Variants in AFAP1 observed in about 807,000 individuals in gnomAD.
The protein encoded by AFAP1 is actin filament associated protein 1.
A neutral mutation model predicts 93.9 loss-of-function variants in AFAP1; 75 were observed. The ratio of observed to expected loss-of-function variants is 0.80; its 90% CI spans 0.66 to 0.97. AFAP1 has a LOEUF of 0.97. Among genes scored for constraint, AFAP1 ranks in the 50% least tolerant of loss-of-function variants. AFAP1 has a pLI of 0.00. For synonymous variants in AFAP1, 517 were observed against 430.7 expected, an observed-to-expected ratio of 1.20 and a Z score of -2.48; for missense variants, 1,201 against 1,050.8, an observed-to-expected ratio of 1.14 and a Z score of -1.98.
In AFAP1 at chr4:7,816,002, C is replaced by T; in HGVS notation, c.904+16G>A. 6.3e-7 allele frequency: 1 copy of T among 1,596,470 alleles called. No individual in the cohort carries two copies. Among genetic ancestry groups the T allele is most frequent in the Non-Finnish European group, 8.5e-7 (1 of 1,173,314 alleles). The stretch of plus-strand genomic sequence containing the variant: ...TTTTTTAGTGTATATATGTTTTTGG[C>T]ACAAGCAGAACTCACCTTGCTCCTT... On this transcript the variant is annotated intron_variant, in intron 8 of 17. Coordinates refer to ENST00000420658, the MANE Select transcript of AFAP1 (RefSeq NM_001134647.2).
chr4:7,915,478 A>T (rs573337925), intron 1 of AFAP1, among the ~76,000 whole-genome samples: 137 of 33,410 alleles, frequency 4.1e-3, no homozygotes, highest in African/African-American at 6.8e-3. Flanking sequence ...AACCCCATCT[A>T]AAAAAAAAAA....
At chr4:7,855,428 C>A in intron 4 of AFAP1, 38 bp downstream of exon 4, 1 of 1,484,630 alleles carries the variant, frequency 6.7e-7, no homozygotes, top group Admixed American at 1.9e-5. Flanking sequence ...TCCTGCCAAT[C>A]ACAAAGGCAG....
intron 1 of AFAP1, among the ~76,000 whole-genome samples, chr4:7,894,906 C>T (rs1025723653): frequency 6.6e-6 from 1 of 152,196 alleles, no homozygotes; most frequent in Non-Finnish European, 1.5e-5. Flanking sequence ...GAGGGGGATG[C>T]TGGAAGGCCT....
rs1713398231 is a variant in AFAP1, at chr4:7,759,006, GTTTCTTT to G, written c.*4752_*4758del. 2 of 152,486 alleles carry G rather than the reference GTTTCTTT, an allele frequency of 1.3e-5. No homozygotes were observed. The highest frequency in any genetic ancestry group is 4.8e-5 in the African/African-American group (2 of 41,410). 9.4% of individuals were successfully genotyped at this position (152,486 alleles called of 1,614,324 possible). On this transcript the variant is annotated 3_prime_UTR_variant, in exon 18 of 18. Coordinates refer to ENST00000420658, the MANE Select transcript of AFAP1 (RefSeq NM_001134647.2). ...AAAAATCTTTGCTGTTTCTTTGCCT[GTTTCTTT>G]CAAAGAGAATTTTAAATATGACTTT...
chr4:7,842,851 T>C (rs1270685101), intron 5 of AFAP1: 2 of 366,502 alleles, frequency 5.5e-6, no homozygotes, highest in South Asian at 3.9e-5. Flanking sequence ...ATCTTGTGCA[T>C]TTCCACAGAC....
intron 1 of AFAP1, among the ~76,000 whole-genome samples, chr4:7,910,114 ACT>A (rs1218244485): frequency 2.0e-5 from 3 of 152,070 alleles, no homozygotes; most frequent in Non-Finnish European, 4.4e-5. Flanking sequence ...CTAGGGACTG[ACT>A]CTGAGCCATG....
chr4:7,909,915 C>T (rs947323341), intron 1 of AFAP1, among the ~76,000 whole-genome samples: 17 of 152,218 alleles, frequency 1.1e-4, no homozygotes, highest in African/African-American at 4.1e-4. Context: ...GTTCAACACA[C>T]ATTCATTGAG....
chr4:7,866,432 G>A (rs1716407233), intron 3 of AFAP1, among the ~76,000 whole-genome samples: 1 of 152,154 alleles, frequency 6.6e-6, no homozygotes, highest in Admixed American at 6.5e-5. Flanking sequence ...CTGAGCTCAG[G>A]CGATCCACCC....
chr4:7,878,890 T>A (rs887260791), intron 1 of AFAP1, among the ~76,000 whole-genome samples: 3 of 152,194 alleles, frequency 2.0e-5, no homozygotes, highest in Non-Finnish European at 4.4e-5. Context: ...TTGCTCCCGG[T>A]GGAAGAAGCT....
chr4:7,857,888 T>C (rs1036524039), intron 3 of AFAP1, among the ~76,000 whole-genome samples: 1 of 152,128 alleles, frequency 6.6e-6, no homozygotes, highest in Non-Finnish European at 1.5e-5. Context: ...GCAGACACTT[T>C]CAAACCCTAT....
Position 7,799,881 on chromosome 4 carries a change from T to C in AFAP1, c.1266+561A>G, listed in dbSNP as rs187486697. On this transcript the variant is annotated intron_variant, in intron 10 of 17. Coordinates refer to ENST00000420658, the MANE Select transcript of AFAP1 (RefSeq NM_001134647.2). ...AAGCAGCCAAATAAATAACAAAGCG[T>C]GCACCAAGCCCAGGGCTCCGAAACA... Among the ~76,000 whole-genome samples the C allele has an allele frequency of 1.6e-4, 25 of 152,250 alleles. No homozygotes were observed. The East Asian group carries it at 3.9e-3, about 24-fold the overall frequency.
intron 15 of AFAP1, chr4:7,773,740 T>G (rs1414017455): frequency 6.6e-6 from 1 of 152,446 alleles, no homozygotes; most frequent in Non-Finnish European, 1.5e-5. Context: ...CCTCCTCCCG[T>G]AGGGTCAGCC....
At chr4:7,890,907 C>A (rs1177012291) in intron 1 of AFAP1, among the ~76,000 whole-genome samples, 1 of 152,086 alleles carries the variant, frequency 6.6e-6, no homozygotes, top group Non-Finnish European at 1.5e-5. Flanking sequence ...TCCAGTAATG[C>A]CACTCCTGGC....
intron 1 of AFAP1, among the ~76,000 whole-genome samples, chr4:7,918,074 G>A (rs990489960): frequency 1.4e-4 from 21 of 152,228 alleles, no homozygotes; most frequent in African/African-American, 4.8e-4. Flanking sequence ...TAGAAACATG[G>A]TGGAAATGTT....
rs1721605522 is a variant in AFAP1, at chr4:7,939,487, G to A, written c.-3+169C>T. 2 of 306,840 alleles carry A rather than the reference G, an allele frequency of 6.5e-6. No individual in the cohort carries two copies. The highest frequency in any genetic ancestry group is 4.9e-5 in the South Asian group (2 of 40,674). The allele number at this position is 306,840 out of a possible 1,614,324, so 19.0% of individuals were successfully genotyped here. A position where few individuals can be genotyped will look rare whatever the true frequency, so the allele number is the denominator to read the frequency against. On this transcript the variant is annotated intron_variant, in intron 1 of 17. Transcript: ENST00000420658. The surrounding 1 kb of genome is among the most constrained non-coding windows in gnomAD (Gnocchi z 5.6). ...GCAGGACGACCGGGACCCCCGCGCG[G>A]GCCCACGCGGCGTCGCAGCAGGCGC... is the stretch of plus-strand genomic sequence containing the variant.
At chr4:7,825,145 C>T (rs1721307804) in intron 6 of AFAP1, among the ~76,000 whole-genome samples, 1 of 152,006 alleles carries the variant, frequency 6.6e-6, no homozygotes, top group African/African-American at 2.4e-5. Context: ...TTCATTCTAC[C>T]CCTTTGAAAA....
At chr4:7,909,347 G>A (rs1719603337) in intron 1 of AFAP1, among the ~76,000 whole-genome samples, 3 of 152,134 alleles carry the variant, frequency 2.0e-5, no homozygotes, top group Non-Finnish European at 4.4e-5. Context: ...CATAGCCCTT[G>A]CTTAAAGAAG....
intron 1 of AFAP1, among the ~76,000 whole-genome samples, chr4:7,888,867 T>C (rs1205377985): frequency 6.6e-6 from 1 of 152,058 alleles, no homozygotes; most frequent in African/African-American, 2.4e-5. Context: ...CTCGGCTCAC[T>C]GCAACCTCCG....
At chr4:7,862,793 G>C (rs1404543084) in intron 3 of AFAP1, among the ~76,000 whole-genome samples, 1 of 152,132 alleles carries the variant, frequency 6.6e-6, no homozygotes, top group East Asian at 1.9e-4. Context: ...ATCTAGAGTT[G>C]TATGTACTGC....
Sources: allele counts gnomAD v4.1 joint callset (sites outside exome capture counted in the v4.1 genomes callset), GRCh38; gene constraint gnomAD v4.1.1; non-coding constraint Gnocchi (gnomAD v3.1); transcripts MANE v1.5; gene names NCBI Gene and HGNC (gene_info 2026-07-23, HGNC 2026-07-21).